The following ZFAND4 variants were observed in gnomAD, a reference collection of about 807,000 sequenced individuals.
ZFAND4 encodes the protein zinc finger AN1-type containing 4, also known as AN1-type zinc finger protein 4.
ZFAND4 carries 43 observed loss-of-function variants against 64.4 expected under a neutral mutation model. The observed-to-expected ratio is 0.67, with a 90% CI of 0.52 to 0.86. The LOEUF (loss-of-function observed/expected upper bound fraction) is 0.86. ZFAND4 is among the 40% of genes least tolerant of loss of function. The pLI is 0.00. For synonymous variants in ZFAND4, 296 were observed against 305.7 expected, an observed-to-expected ratio of 0.97 and a Z score of 0.33; for missense variants, 929 against 859.8, an observed-to-expected ratio of 1.08 and a Z score of -1.01.
Position 45,624,590 on chromosome 10 carries a change from T to C in ZFAND4, c.1920A>G (p.Lys640=). ...AAATTATCTGTAGCTTACCTACGCT[T>C]TTCCCTGCTGCTGCATTATTTCCAT... ...GMNGNNAAAG[K]SVGECTTHHL... Residue 640 remains lysine (K), a synonymous_variant, in exon 8 of 10, where the codon AAA becomes AAG. Coordinates refer to ENST00000344646, the MANE Select transcript of ZFAND4 (RefSeq NM_174890.4). 6.2e-7 allele frequency: 1 copy of C among 1,613,912 alleles called. No homozygotes were observed. The highest frequency in any genetic ancestry group is 8.5e-7 in the Non-Finnish European group (1 of 1,179,908).
chr10:45,619,697 C>T (rs1261668817), intron 8 of ZFAND4, among the ~76,000 whole-genome samples: 6 of 145,508 alleles, frequency 4.1e-5, no homozygotes, highest in Non-Finnish European at 9.1e-5. Flanking sequence ...GGTTCTATGT[C>T]TTTTTTTTTT....
chr10:45,628,305 G>T (rs1182708988), intron 6 of ZFAND4, among the ~76,000 whole-genome samples: 2 of 152,156 alleles, frequency 1.3e-5, no homozygotes, highest in Non-Finnish European at 2.9e-5. Context: ...AAGAAACCTT[G>T]GAAAGATGAG....
intron 2 of ZFAND4, among the ~76,000 whole-genome samples, chr10:45,654,336 T>C (rs961328191): frequency 2.0e-5 from 3 of 152,118 alleles, no homozygotes; most frequent in Non-Finnish European, 4.4e-5. Flanking sequence ...AAAAAAGATA[T>C]TGGGCTGGGC....
In ZFAND4 at chr10:45,672,520, G is replaced by C. The variant is rs1184619290; in HGVS notation, c.-388C>G. The C allele has an allele frequency of 6.6e-6, 1 of 152,240 alleles. No homozygotes were observed. The highest frequency in any genetic ancestry group is 1.9e-4 in the East Asian group (1 of 5,196). The allele number at this position is 152,240 out of a possible 1,614,324, so 9.4% of individuals were successfully genotyped here. On this transcript the variant is annotated 5_prime_UTR_variant, in exon 1 of 10. Coordinates refer to ENST00000344646, the MANE Select transcript of ZFAND4 (RefSeq NM_174890.4). ...GCGTCAGGCCGCAAGGCGAGGGGCG[G>C]GGACAGGACTCTACCCGGCAGCCCA...
At chr10:45,660,032 C>T (rs181950847) in intron 2 of ZFAND4, among the ~76,000 whole-genome samples, 144 of 151,910 alleles carry the variant, frequency 9.5e-4, no homozygotes, top group African/African-American at 3.3e-3. Flanking sequence ...AAAAATTAGC[C>T]GGGTGTGTAG....
chr10:45,667,470 T>C (rs1299611479), intron 1 of ZFAND4, among the ~76,000 whole-genome samples: 2 of 146,272 alleles, frequency 1.4e-5, no homozygotes, highest in African/African-American at 5.1e-5. Context: ...TTTTTTTTTT[T>C]TTTTTTTTTT....
chr10:45,641,024 T>A (rs76149748), intron 5 of ZFAND4, among the ~76,000 whole-genome samples: 7,947 of 152,214 alleles, frequency 0.052, 592 homozygotes, highest in African/African-American at 0.17. Context: ...TAATGATGTA[T>A]CACACGATCC....
At chr10:45,621,614 C>G (rs1286544920) in intron 8 of ZFAND4, among the ~76,000 whole-genome samples, 1 of 151,808 alleles carries the variant, frequency 6.6e-6, no homozygotes, top group Admixed American at 6.6e-5. Flanking sequence ...TGGTGGCGGG[C>G]ACCTGTAGTC....
chr10:45,620,249 C>G (rs1232378486), intron 8 of ZFAND4, among the ~76,000 whole-genome samples: 4 of 151,976 alleles, frequency 2.6e-5, no homozygotes, highest in African/African-American at 9.7e-5. Flanking sequence ...TTTGGGAGGC[C>G]AAGGTGGGCG....
intron 5 of ZFAND4, among the ~76,000 whole-genome samples, chr10:45,642,333 C>T (rs1017535985): frequency 7.2e-5 from 11 of 152,006 alleles, no homozygotes; most frequent in Non-Finnish European, 1.2e-4. Context: ...ATCAGCTGGG[C>T]GTGATGGCTC....
chr10:45,662,868 A>G (rs536317206), intron 2 of ZFAND4, among the ~76,000 whole-genome samples: 10 of 152,230 alleles, frequency 6.6e-5, no homozygotes, highest in Admixed American at 2.6e-4. Flanking sequence ...TTACTGTTAT[A>G]TGGAACAATT....
chr10:45,634,604 TATC>T (rs1423582176), intron 6 of ZFAND4, among the ~76,000 whole-genome samples: 1 of 151,640 alleles, frequency 6.6e-6, no homozygotes, highest in Non-Finnish European at 1.5e-5. Context: ...CTGAGAGAAT[TATC>T]ATCAGGAACC....
chr10:45,656,236 A>AAAGAGAAGAG (rs71520970), intron 2 of ZFAND4, among the ~76,000 whole-genome samples: 10 of 149,336 alleles, frequency 6.7e-5, no homozygotes, highest in Non-Finnish European at 1.3e-4. Context: ...TCTAAAAAGA[A>AAAGAGAAGAG]AAGAGAAGAG....
intron 6 of ZFAND4, among the ~76,000 whole-genome samples, chr10:45,639,540 A>G (rs2046847013): frequency 6.6e-6 from 1 of 152,200 alleles, no homozygotes; most frequent in Non-Finnish European, 1.5e-5. Context: ...TTTAAAAAGT[A>G]ATTATTGCCA....
intron 2 of ZFAND4, among the ~76,000 whole-genome samples, chr10:45,656,518 A>AG (rs1347864291): frequency 6.7e-6 from 1 of 150,134 alleles, no homozygotes; most frequent in African/African-American, 2.4e-5. Context: ...AAAAAAAAAA[A>AG]AAAAAAAGAA....
chr10:45,642,154 T>A (rs2047043946), intron 5 of ZFAND4, among the ~76,000 whole-genome samples: 1 of 152,244 alleles, frequency 6.6e-6, no homozygotes, highest in Non-Finnish European at 1.5e-5. Flanking sequence ...TGCAATATTT[T>A]AACCTTAAAT....
In ZFAND4 at chr10:45,626,180, T is replaced by C. The variant is rs758917398; in HGVS notation, c.1643A>G (p.Asp548Gly). 1.2e-6 allele frequency: 2 copies of C among 1,614,032 alleles called. No homozygotes were observed. Among genetic ancestry groups the C allele is most frequent in the Non-Finnish European group, 1.7e-6 (2 of 1,180,054 alleles). ...AGCCTTGTTAGTCATTTCTGTGATA[T>C]CCCGAGCCTCAACTTTGGAAATAAC... ...SDVISKVEAR[D>G]ITEMTNKASK... is the part of the protein sequence containing the mutation. The change falls in exon 7 of 10, where the codon GAT (aspartate) becomes GGT (glycine). Residue 548 changes from aspartate to glycine, a missense_variant. Asp to Gly is a moderately conservative substitution (Grantham distance 94, BLOSUM62 -1). Coordinates refer to ENST00000344646, the MANE Select transcript of ZFAND4 (RefSeq NM_174890.4).
At chr10:45,657,838 C>CT (rs1460892267) in intron 2 of ZFAND4, among the ~76,000 whole-genome samples, 1 of 151,944 alleles carries the variant, frequency 6.6e-6, no homozygotes, top group Admixed American at 6.6e-5. Context: ...ACTTAAGAGA[C>CT]TATAAAGTAT....
chr10:45,628,162 G>A (rs978108045), intron 6 of ZFAND4, among the ~76,000 whole-genome samples: 1 of 152,114 alleles, frequency 6.6e-6, no homozygotes, highest in African/African-American at 2.4e-5. Flanking sequence ...CAGGCATGAG[G>A]ATGGGATGGA....
Sources: gnomAD v4.1 joint callset for allele counts (sites outside exome capture counted in the v4.1 genomes callset) on GRCh38, gnomAD v4.1.1 for gene constraint, MANE v1.5 for transcripts, NCBI Gene and HGNC (gene_info 2026-07-23, HGNC 2026-07-21) for gene names.